GRIN2B: variants seen among roughly 807,000 people sequenced by gnomAD.
GRIN2B encodes the protein glutamate ionotropic receptor NMDA type subunit 2B, also known as glutamate receptor ionotropic, NMDA 2B.
A neutral mutation model predicts 114.5 loss-of-function variants in GRIN2B; 5 were observed. That is an observed-to-expected ratio of 0.04 (90% CI 0.02 to 0.09). GRIN2B has a LOEUF of 0.09. GRIN2B is among the 10% of genes least tolerant of loss of function. The pLI is 1.00. For missense variants in GRIN2B, 1,108 were observed against 1,943.5 expected (o/e 0.57, Z 8.08); for synonymous variants, 787 against 745.1 (o/e 1.06, Z -0.92).
chr12:13,753,361 G>A lies in GRIN2B; in HGVS notation c.966C>T (p.Tyr322=). ...SFIPEPKSSC[Y]NTHEKRIYQS... is the part of the protein sequence containing the mutation. ...GGTAGATTCTCTTCTCGTGGGTGTTGTAACAACTGCTTTTGGGCTCAGGGA... is the reference window on the plus strand; with the variant it reads ...GGTAGATTCTCTTCTCGTGGGTGTTATAACAACTGCTTTTGGGCTCAGGGA... The change falls in exon 4 of 14, where the codon TAC becomes TAT. Residue 322 remains tyrosine, a synonymous_variant. Transcript: ENST00000609686. The surrounding 1 kb of genome is among the most constrained non-coding windows in gnomAD (Gnocchi z 6.2). 6.2e-7 allele frequency: 1 copy of A among 1,613,100 alleles called. No individual in the cohort carries two copies.
rs200380868 is a variant in GRIN2B, at chr12:13,753,352, G to A, written c.975C>T (p.His325=). The change falls in exon 4 of 14, where the codon CAC becomes CAT. Residue 325 remains histidine (H), a synonymous_variant. Transcript: ENST00000609686. The surrounding 1 kb of genome is among the most constrained non-coding windows in gnomAD (Gnocchi z 6.2). ...PEPKSSCYNT[H]EKRIYQSNML... The stretch of plus-strand genomic sequence containing the variant: ...TATTGGACTGGTAGATTCTCTTCTC[G>A]TGGGTGTTGTAACAACTGCTTTTGG... 3.0e-5 allele frequency: 48 copies of A among 1,608,986 alleles called. No homozygotes were observed. The highest frequency in any genetic ancestry group is 1.5e-4 in the Admixed American group (9 of 59,992).
At chr12:13,778,012 A>C (rs761301933) in intron 3 of GRIN2B, among the ~76,000 whole-genome samples, 4 of 152,202 alleles carry the variant, frequency 2.6e-5, no homozygotes, top group Admixed American at 6.5e-5. Flanking sequence ...AGGAGAAAAA[A>C]ATCTACCTGT....
chr12:13,832,181 T>A (rs1865161274), intron 3 of GRIN2B, among the ~76,000 whole-genome samples: 1 of 152,260 alleles, frequency 6.6e-6, no homozygotes, highest in Admixed American at 6.5e-5. Context: ...GTATTTATTC[T>A]TATTATGAGA....
chr12:13,594,764 T>TG (rs1168905757), intron 10 of GRIN2B, among the ~76,000 whole-genome samples: 2 of 151,790 alleles, frequency 1.3e-5, no homozygotes, highest in African/African-American at 4.8e-5. Context: ...ATCTGTAACC[T>TG]GGGGAAACTC....
At chr12:13,758,751 C>G (rs1313969058) in intron 3 of GRIN2B, among the ~76,000 whole-genome samples, 1 of 152,188 alleles carries the variant, frequency 6.6e-6, no homozygotes, top group Non-Finnish European at 1.5e-5. Context: ...CAACTTACTT[C>G]TATCTCCCCT....
chr12:13,887,140 C>T (rs1015987460), intron 2 of GRIN2B, among the ~76,000 whole-genome samples: 5 of 152,082 alleles, frequency 3.3e-5, no homozygotes, highest in African/African-American at 7.2e-5. Context: ...AGATTTCAAG[C>T]CAAAAATTAT....
intron 12 of GRIN2B, among the ~76,000 whole-genome samples, chr12:13,568,286 G>A (rs1159361775): frequency 2.6e-5 from 4 of 152,278 alleles, no homozygotes; most frequent in African/African-American, 9.6e-5. Flanking sequence ...TCTAATTCTA[G>A]ACAAGCAAAA....
chr12:13,661,978 C>T (rs988049197), intron 5 of GRIN2B, among the ~76,000 whole-genome samples: 3 of 152,154 alleles, frequency 2.0e-5, no homozygotes, highest in African/African-American at 4.8e-5. Context: ...GTGTCACATT[C>T]GATGGTACAG....
intron 10 of GRIN2B, among the ~76,000 whole-genome samples, chr12:13,573,979 G>A (rs762333579): frequency 1.3e-5 from 2 of 152,120 alleles, no homozygotes; most frequent in Admixed American, 6.5e-5. Context: ...AGAAGTTTTC[G>A]TTTGATTATT....
At chr12:13,751,395 G>T (rs1199915464) in intron 4 of GRIN2B, among the ~76,000 whole-genome samples, 1 of 152,224 alleles carries the variant, frequency 6.6e-6, no homozygotes, top group Non-Finnish European at 1.5e-5. Flanking sequence ...GGAGGAGGAA[G>T]ATCATGTAAG....
chr12:13,817,991 A>G (rs1428740888), intron 3 of GRIN2B, among the ~76,000 whole-genome samples: 1 of 152,116 alleles, frequency 6.6e-6, no homozygotes, highest in East Asian at 1.9e-4. Context: ...TGTTTCTCCT[A>G]TATGTTGAGA....
chr12:13,812,633 T>C (rs1002137095), intron 3 of GRIN2B, among the ~76,000 whole-genome samples: 12 of 152,208 alleles, frequency 7.9e-5, no homozygotes, highest in Admixed American at 7.8e-4. Context: ...TCTGTTTTTT[T>C]AATCTATTAA....
chr12:13,698,173 C>T (rs1272728227), intron 4 of GRIN2B, among the ~76,000 whole-genome samples: 2 of 152,216 alleles, frequency 1.3e-5, no homozygotes, highest in African/African-American at 2.4e-5. Context: ...CTGAGGGATG[C>T]GCGTGCATGC....
intron 2 of GRIN2B, among the ~76,000 whole-genome samples, chr12:13,965,480 A>T (rs1279279113): frequency 6.6e-6 from 1 of 151,770 alleles, no homozygotes; most frequent in East Asian, 1.9e-4. Flanking sequence ...TATTCTCCTT[A>T]ATTAATGTTT....
intron 5 of GRIN2B, among the ~76,000 whole-genome samples, chr12:13,653,993 T>A (rs1451707168): frequency 1.3e-5 from 2 of 152,100 alleles, no homozygotes; most frequent in African/African-American, 2.4e-5. Context: ...CACAAAAAAA[T>A]GTTATGCAAC....
chr12:13,976,372 G>A (rs1024818146), intron 2 of GRIN2B, among the ~76,000 whole-genome samples: 1 of 152,196 alleles, frequency 6.6e-6, no homozygotes, highest in African/African-American at 2.4e-5. Flanking sequence ...GTAGTTTACT[G>A]AAAGGAAGAA....
At chr12:13,951,756 A>G (rs1867483956) in intron 2 of GRIN2B, among the ~76,000 whole-genome samples, 1 of 152,234 alleles carries the variant, frequency 6.6e-6, no homozygotes, top group African/African-American at 2.4e-5. Context: ...AAGAGTGGAG[A>G]CAAGGTCTAA....
At chr12:13,780,535 G>C (rs1864089750) in intron 3 of GRIN2B, among the ~76,000 whole-genome samples, 1 of 152,154 alleles carries the variant, frequency 6.6e-6, no homozygotes, top group African/African-American at 2.4e-5. Context: ...CAGTCTTGTA[G>C]ATTCCAAAAG....
At chr12:13,725,180 T>C (rs912643658) in intron 4 of GRIN2B, among the ~76,000 whole-genome samples, 1 of 152,080 alleles carries the variant, frequency 6.6e-6, no homozygotes, top group Non-Finnish European at 1.5e-5. Flanking sequence ...AGCCTCAGGA[T>C]AATAGTGTCC....
Sources: allele counts gnomAD v4.1 joint callset (sites outside exome capture counted in the v4.1 genomes callset), GRCh38; gene constraint gnomAD v4.1.1; non-coding constraint Gnocchi (gnomAD v3.1); transcripts MANE v1.5; gene names NCBI Gene and HGNC (gene_info 2026-07-23, HGNC 2026-07-21).